Variants in CYFIP1 observed in about 807,000 individuals in gnomAD.
CYFIP1 encodes cytoplasmic FMR1 interacting protein 1.
CYFIP1 carries 58 observed loss-of-function variants against 163.5 expected under a neutral mutation model. The observed-to-expected ratio is 0.35, with a 90% confidence interval of 0.29 to 0.44. CYFIP1 has a LOEUF of 0.44. Among genes scored for constraint, CYFIP1 ranks in the 20% least tolerant of loss-of-function variants. The pLI is 1.00. For synonymous variants in CYFIP1, 663 were observed against 660.7 expected (o/e 1.00, Z -0.05); for missense variants, 1,338 against 1,653.8 (o/e 0.81, Z 3.31).
chr15:22,918,558 A>G lies in CYFIP1; in HGVS notation c.1526+134T>C, dbSNP rs534300690. The G allele has an allele frequency of 1.4e-4, 110 of 799,364 alleles. No individual in the cohort carries two copies. In the South Asian group the frequency reaches 2.3e-3, roughly 17 times the overall value. 49.5% of individuals were successfully genotyped at this position (799,364 alleles called of 1,614,324 possible). A position where few individuals can be genotyped will look rare whatever the true frequency, so the allele number is the denominator to read the frequency against. ...CATGCATTACTTTTAGAGGTAATTC[A>G]CCAAGAGGGCATCTGAAGGTTGAAG... On this transcript the variant is annotated intron_variant, in intron 14 of 30. Coordinates refer to ENST00000617928, the MANE Select transcript of CYFIP1 (RefSeq NM_014608.6).
At chr15:22,959,280 T>C (rs1052842361) in intron 1 of CYFIP1, among the ~76,000 whole-genome samples, 9 of 127,202 alleles carry the variant, frequency 7.1e-5, no homozygotes, top group African/African-American at 2.5e-4. Context: ...CCGAATCCAG[T>C]GCATGTTTAA....
chr15:22,910,237 T>C (rs1374475270), intron 20 of CYFIP1, among the ~76,000 whole-genome samples: 3 of 152,174 alleles, frequency 2.0e-5, no homozygotes, highest in African/African-American at 4.8e-5. Flanking sequence ...CTCAGCTCAC[T>C]GCAAGCTCCA....
chr15:22,937,282 G>A, intron 8 of CYFIP1, 74 bp from the exon 9 acceptor site: 1 of 849,790 alleles, frequency 1.2e-6, no homozygotes, highest in South Asian at 1.5e-5. Context: ...GACTTACACT[G>A]TTACAGCTGA....
At chr15:22,927,788 T>C (rs1352658865) in intron 12 of CYFIP1, 118 bp downstream of exon 12, 4 of 984,658 alleles carry the variant, frequency 4.1e-6, no homozygotes, top group Non-Finnish European at 5.7e-6. Context: ...ACATATCTAC[T>C]GATAGATATT....
intron 13 of CYFIP1, among the ~76,000 whole-genome samples, chr15:22,922,658 A>G (rs2061223851): frequency 6.6e-6 from 1 of 152,322 alleles, no homozygotes; most frequent in Admixed American, 6.5e-5. Context: ...AATGGATCAT[A>G]TATTTAAATT....
At chr15:22,932,445 T>G in intron 10 of CYFIP1, 105 bp from the exon 11 acceptor site, 2 of 644,782 alleles carry the variant, frequency 3.1e-6, no homozygotes, top group South Asian at 5.3e-5. Flanking sequence ...ACAAATGGCT[T>G]TTATGTTTTT....
intron 1 of CYFIP1, among the ~76,000 whole-genome samples, chr15:22,963,940 G>C (rs141133699): frequency 6.6e-6 from 1 of 152,230 alleles, no homozygotes; most frequent in Non-Finnish European, 1.5e-5. Context: ...GAATGCTTCA[G>C]ATCATTGCAA....
At chr15:22,953,109 T>A (rs2062315543) in intron 1 of CYFIP1, among the ~76,000 whole-genome samples, 1 of 152,256 alleles carries the variant, frequency 6.6e-6, no homozygotes, top group African/African-American at 2.4e-5. Flanking sequence ...TAGATGCGAA[T>A]CTGCACAGCT....
intron 1 of CYFIP1, chr15:22,947,832 C>T: frequency 1.8e-6 from 1 of 561,184 alleles, no homozygotes; most frequent in Non-Finnish European, 2.3e-6. Flanking sequence ...GAGTATGGGG[C>T]TGCCGCAGGG....
intron 7 of CYFIP1, 39 bp downstream of exon 7, chr15:22,939,372 C>T: frequency 6.2e-7 from 1 of 1,614,022 alleles, no homozygotes; most frequent in African/African-American, 1.3e-5. Flanking sequence ...CGGCCGGCTG[C>T]TTGGCCCATC....
At chr15:22,881,082 T>C (rs1003528876) in intron 25 of CYFIP1, among the ~76,000 whole-genome samples, 1 of 152,154 alleles carries the variant, frequency 6.6e-6, no homozygotes, top group Non-Finnish European at 1.5e-5. Context: ...GGGGACACCT[T>C]ATCGTCTCCT....
intron 1 of CYFIP1, among the ~76,000 whole-genome samples, chr15:22,954,962 C>T (rs900942988): frequency 6.6e-6 from 1 of 152,336 alleles, no homozygotes; most frequent in East Asian, 1.9e-4. Context: ...GAGTGAGCAA[C>T]ATCCACCGGG....
chr15:22,873,575 T>C lies in CYFIP1; in HGVS notation c.3365A>G (p.Asp1122Gly). ...PLPSNGVMHV[D>G]ECVEFHRLWS... Reference sequence around the variant, plus strand: ...CAGTCTGTGAAACTCCACACACTCGTCCACATGCATGACCCCATTGCTGGG... The same window carrying C: ...CAGTCTGTGAAACTCCACACACTCGCCCACATGCATGACCCCATTGCTGGG... The change falls in exon 29 of 31, where the codon GAC becomes GGC. Residue 1122 changes from aspartate to glycine, a missense_variant. Transcript: ENST00000617928. The C allele has an allele frequency of 6.2e-7, 1 of 1,614,212 alleles. No individual in the cohort carries two copies. The highest frequency in any genetic ancestry group is 8.5e-7 in the Non-Finnish European group (1 of 1,180,030).
intron 1 of CYFIP1, among the ~76,000 whole-genome samples, chr15:22,948,653 C>T (rs555916483): frequency 4.6e-5 from 7 of 152,132 alleles, no homozygotes; most frequent in African/African-American, 1.7e-4. Flanking sequence ...ATTATCCACC[C>T]GACTTTAAAG....
In CYFIP1 at chr15:22,874,743, A is replaced by T. The variant is rs2059534466; in HGVS notation, c.3116-99T>A. On this transcript the variant is annotated intron_variant, in intron 27 of 30. Transcript: ENST00000617928. ...TTAAAAAACAAAAGATTTTTAAGTT[A>T]ACATTATGGATACAGATTCTCTTTG... 8.4e-6 allele frequency: 6 copies of T among 717,194 alleles called. No individual in the cohort carries two copies. In the East Asian group the frequency reaches 1.9e-4, roughly 23 times the overall value. The allele number at this position is 717,194 out of a possible 1,614,324, so 44.4% of individuals were successfully genotyped here.
chr15:22,918,959 CT>C, intron 13 of CYFIP1, 101 bp from the exon 14 acceptor site: 1 of 927,018 alleles, frequency 1.1e-6, no homozygotes, highest in Non-Finnish European at 1.6e-6. Context: ...CCCACAGCAC[CT>C]TACGCCCTCC....
In CYFIP1 at chr15:22,879,924, C is replaced by G. The variant is rs764318239; in HGVS notation, c.3031G>C (p.Glu1011Gln). ...GNAILFCLLI[E>Q]QSLSLEEVCD... is the part of the protein sequence containing the mutation. ...GGGGGGCCACTCACCAGGCTCTGCT[C>G]GATGAGCAGGCAGAAGAGGATGGCG... The change falls in exon 26 of 31, where the codon GAG (glutamate) becomes CAG (glutamine). Residue 1011 changes from glutamate (E) to glutamine (Q), a missense_variant. By Grantham distance (29) the Glu-to-Gln change is conservative. Transcript: ENST00000617928. 6.2e-7 allele frequency: 1 copy of G among 1,612,044 alleles called. No homozygotes were observed. Among genetic ancestry groups the G allele is most frequent in the Non-Finnish European group, 8.5e-7 (1 of 1,179,886 alleles).
chr15:22,954,990 C>A (rs924132070), intron 1 of CYFIP1, among the ~76,000 whole-genome samples: 1 of 152,114 alleles, frequency 6.6e-6, no homozygotes, highest in Non-Finnish European at 1.5e-5. Flanking sequence ...AGACTGGCTC[C>A]GTGTCTGAGC....
In CYFIP1 at chr15:22,944,571, A is replaced by T. The variant is rs779511977; in HGVS notation, c.374T>A (p.Phe125Tyr). Reference protein sequence around the residue: ...LEPEVTKLMNFMYFQRNAIER... With the variant: ...LEPEVTKLMNYMYFQRNAIER... ...TTGCCATTTTACCTGGAAGTACATGAAATTCATCAGTTTTGTGACCTCAGG... is the reference window on the plus strand; with the variant it reads ...TTGCCATTTTACCTGGAAGTACATGTAATTCATCAGTTTTGTGACCTCAGG... The change falls in exon 5 of 31, where the codon TTC becomes TAC. Residue 125 changes from phenylalanine (F) to tyrosine (Y), a missense_variant. Physicochemically the swap from Phe to Tyr is conservative, Grantham distance 22. Around this residue, in one of 4 missense-constraint regions of CYFIP1, gnomAD observed 186 missense variants for 288.3 expected, o/e 0.65. Transcript: ENST00000617928. The T allele has an allele frequency of 3.1e-6, 5 of 1,611,022 alleles. No individual in the cohort carries two copies. The African/African-American group carries it at 6.7e-5, about 22-fold the overall frequency.
Sources: gnomAD v4.1 joint callset for allele counts (sites outside exome capture counted in the v4.1 genomes callset) on GRCh38, gnomAD v4.1.1 for gene constraint, gnomAD v4.1.1 regional missense constraint, MANE v1.5 for transcripts, NCBI Gene and HGNC (gene_info 2026-07-23, HGNC 2026-07-21) for gene names.